ACO1: variants seen among roughly 807,000 people sequenced by gnomAD.
The protein encoded by ACO1 is aconitase 1, also known as cytoplasmic aconitate hydratase.
In ACO1, 78 loss-of-function variants were observed where a neutral mutation model predicts 105.1. That is an observed-to-expected ratio of 0.74 (90% confidence interval 0.62 to 0.90). The LOEUF is 0.90. ACO1 is among the 40% of genes least tolerant of loss of function. The pLI, the probability that ACO1 is intolerant of heterozygous loss-of-function variation, is 0.00. For missense variants in ACO1, 965 were observed against 1,111.1 expected (o/e 0.87, Z 1.87); for synonymous variants, 364 against 397.4 (o/e 0.92, Z 1.00).
chr9:32,398,926 A>G (rs2118368123), intron 1 of ACO1, among the ~76,000 whole-genome samples: 1 of 152,292 alleles, frequency 6.6e-6, no homozygotes, highest in Admixed American at 6.5e-5. Flanking sequence ...GAAAGAAAAT[A>G]GCTGCCAACC....
At chr9:32,438,045 C>T (rs1369098855) in intron 18 of ACO1, among the ~76,000 whole-genome samples, 6 of 151,940 alleles carry the variant, frequency 3.9e-5, no homozygotes, top group Admixed American at 3.9e-4. Flanking sequence ...CACTGAAGGC[C>T]CATCTAAATA....
chr9:32,449,096 C>G lies in ACO1; in HGVS notation c.2556+15C>G. The G allele has an allele frequency of 1.3e-6, 2 of 1,585,200 alleles. No individual in the cohort carries two copies. The highest frequency in any genetic ancestry group is 1.1e-5 in the South Asian group (1 of 86,958). ...TCCAGGTCAAGGTAAGCTGGAGCCT[C>G]TCTATGCCAGGCCCTGTCGAAAGGG... is the stretch of plus-strand genomic sequence containing the variant. On this transcript the variant is annotated intron_variant, in intron 20 of 20. Transcript: ENST00000309951.
In ACO1 at chr9:32,424,937, G is replaced by T. The variant is rs1353454356; in HGVS notation, c.1188+272G>T. The stretch of plus-strand genomic sequence containing the variant: ...CTGTTTACTCACCCGAGGTTTTCTA[G>T]CTGTTGCACCTTTGTGCATGCCCCT... On this transcript the variant is annotated intron_variant, in intron 10 of 20. Coordinates refer to ENST00000309951, the MANE Select transcript of ACO1 (RefSeq NM_002197.3). Among the ~76,000 whole-genome samples, 3 of 152,226 alleles carry T rather than the reference G, an allele frequency of 2.0e-5. No homozygotes were observed. The East Asian group carries it at 5.8e-4, about 29-fold the overall frequency.
chr9:32,400,411 T>G (rs1821470658), intron 1 of ACO1, among the ~76,000 whole-genome samples: 1 of 152,154 alleles, frequency 6.6e-6, no homozygotes, highest in Non-Finnish European at 1.5e-5. Flanking sequence ...TGGATTAGTG[T>G]GTTTGACTTG....
At chr9:32,411,846 A>G (rs1329900775) in intron 4 of ACO1, among the ~76,000 whole-genome samples, 1 of 152,154 alleles carries the variant, frequency 6.6e-6, no homozygotes, top group Non-Finnish European at 1.5e-5. Flanking sequence ...TGGAATTCCT[A>G]CTTCCAAGCA....
chr9:32,434,843 A>G (rs1822320463), intron 17 of ACO1, 142 bp downstream of exon 17: 1 of 954,470 alleles, frequency 1.0e-6, no homozygotes, highest in Admixed American at 2.8e-5. Flanking sequence ...GTAAAAACCA[A>G]TTGCATTTTC....
chr9:32,384,789 T>C lies in ACO1; in HGVS notation c.-23+54T>C, dbSNP rs1052413280. The C allele has an allele frequency of 3.3e-5, 11 of 338,098 alleles. No homozygotes were observed. In the East Asian group the frequency reaches 1.6e-3, roughly 48 times the overall value. The allele number at this position is 338,098 out of a possible 1,614,324, so 20.9% of individuals were successfully genotyped here. ...CCCCAGGCGGGAGCGCCGTCCACCC[T>C]GTATCCCTCGAGAGTCGGTGCGGGC... On this transcript the variant is annotated intron_variant, in intron 1 of 20. Coordinates refer to ENST00000309951, the MANE Select transcript of ACO1 (RefSeq NM_002197.3).
intron 1 of ACO1, among the ~76,000 whole-genome samples, chr9:32,404,703 C>T (rs1212896199): frequency 6.6e-6 from 1 of 152,124 alleles, no homozygotes; most frequent in Admixed American, 6.5e-5. Flanking sequence ...ATTGTGACTC[C>T]CATTTTAGAA....
In ACO1 at chr9:32,434,649, G is replaced by A. The variant is rs764295557; in HGVS notation, c.2047G>A (p.Ala683Thr). ...GGTAACAACTGACCACATCTCCCCA[G>A]CTGGAAATATTGCAAGAAACAGTCC... The part of the protein sequence containing the change: ...DSVTTDHISP[A>T]GNIARNSPAA... Residue 683 changes from alanine to threonine, a missense_variant, in exon 17 of 21, where the codon GCT becomes ACT. Transcript: ENST00000309951. 2 of 1,613,988 alleles carry A rather than the reference G, an allele frequency of 1.2e-6. No homozygotes were observed. Among genetic ancestry groups the A allele is most frequent in the Non-Finnish European group, 1.7e-6 (2 of 1,179,988 alleles).
At chr9:32,442,141 G>C (rs990854832) in intron 19 of ACO1, among the ~76,000 whole-genome samples, 2 of 151,858 alleles carry the variant, frequency 1.3e-5, no homozygotes, top group African/African-American at 4.8e-5. Context: ...CAGAGATTCT[G>C]GTTTAATTGG....
intron 8 of ACO1, among the ~76,000 whole-genome samples, chr9:32,421,232 T>G (rs1368745776): frequency 2.0e-5 from 3 of 152,152 alleles, no homozygotes; most frequent in Non-Finnish European, 4.4e-5. Flanking sequence ...TAGAAAGAGC[T>G]CAGAGATTAC....
At chr9:32,398,437 G>A (rs749140016) in intron 1 of ACO1, among the ~76,000 whole-genome samples, 4 of 152,166 alleles carry the variant, frequency 2.6e-5, no homozygotes, top group Non-Finnish European at 5.9e-5. Context: ...ATGGGCTGAC[G>A]TGGTTTTCTA....
rs1386321912 is a variant in ACO1, at chr9:32,453,118, T to C, written c.*3007T>C. 2 of 148,662 alleles carry C rather than the reference T, an allele frequency of 1.3e-5. No homozygotes were observed. The highest frequency in any genetic ancestry group is 2.3e-4 in the South Asian group (1 of 4,428). The allele number at this position is 148,662 out of a possible 1,614,324, so 9.2% of individuals were successfully genotyped here. ...TCTGCTGTTCTCCCTCCCATATTCT[T>C]TGCGAATGAAGATTCCCCTGTTTGT... On this transcript the variant is annotated 3_prime_UTR_variant, in exon 21 of 21. Transcript: ENST00000309951.
intron 12 of ACO1, 111 bp from the exon 13 acceptor site, chr9:32,429,308 A>G (rs557981311): frequency 5.7e-6 from 5 of 877,832 alleles, no homozygotes; most frequent in Non-Finnish European, 3.7e-6. Context: ...AACTTAGTTC[A>G]TGCACTGCAA....
chr9:32,446,580 T>C (rs1324244061), intron 19 of ACO1, among the ~76,000 whole-genome samples: 1 of 152,248 alleles, frequency 6.6e-6, no homozygotes, highest in Non-Finnish European at 1.5e-5. Flanking sequence ...ATTTAGCCCA[T>C]TTACATTTAA....
intron 19 of ACO1, among the ~76,000 whole-genome samples, chr9:32,447,572 T>C (rs533966545): frequency 1.3e-5 from 2 of 152,314 alleles, no homozygotes; most frequent in East Asian, 3.9e-4. Flanking sequence ...TTCTGTCAAT[T>C]TGTCAATCTC....
rs752155661 is a variant in ACO1 at position 32,431,791 on chromosome 9, A to G, written c.1799A>G (p.Glu600Gly). Residue 600 changes from glutamate (E) to glycine (G), a missense_variant, in exon 15 of 21, where the codon GAG (glutamate) becomes GGG (glycine). Coordinates refer to ENST00000309951, the MANE Select transcript of ACO1 (RefSeq NM_002197.3). Reference sequence around the variant, plus strand: ...ACTAGAGACGAGATCCAGGCAGTGGAGCGTCAGTATGTCATCCCGGGGATG... The same window carrying G: ...ACTAGAGACGAGATCCAGGCAGTGGGGCGTCAGTATGTCATCCCGGGGATG... The part of the protein sequence containing the change: ...WPTRDEIQAV[E>G]RQYVIPGMFK... The G allele has an allele frequency of 1.2e-6, 2 of 1,614,134 alleles. No homozygotes were observed. Among genetic ancestry groups the G allele is most frequent in the South Asian group, 2.2e-5 (2 of 91,082 alleles).
Position 32,451,624 on chromosome 9 carries a change from A to G in ACO1, c.*1513A>G, listed in dbSNP as rs1822768620. 1.3e-5 allele frequency: 2 copies of G among 152,144 alleles called. No individual in the cohort carries two copies. The highest frequency in any genetic ancestry group is 4.1e-4 in the South Asian group (2 of 4,828). The allele number at this position is 152,144 out of a possible 1,614,324, so 9.4% of individuals were successfully genotyped here. On this transcript the variant is annotated 3_prime_UTR_variant, in exon 21 of 21. Transcript: ENST00000309951. ...ATGAATTTTTAATGTCAACCTTAGC[A>G]CTCAGGGGATATGGCCTGGTCATCA...
chr9:32,429,568 T>C (rs1822180115), intron 13 of ACO1, 65 bp downstream of exon 13: 1 of 1,392,956 alleles, frequency 7.2e-7, no homozygotes, highest in African/African-American at 1.4e-5. Context: ...GTGACAAAAA[T>C]GCTGATATTT....
Sources: allele counts gnomAD v4.1 joint callset (sites outside exome capture counted in the v4.1 genomes callset), GRCh38; gene constraint gnomAD v4.1.1; transcripts MANE v1.5; gene names NCBI Gene and HGNC (gene_info 2026-07-23, HGNC 2026-07-21).